Variants in RNF145 observed in about 807,000 individuals in gnomAD.
RNF145 encodes the protein ring finger protein 145.
Under a neutral mutation model 57.3 loss-of-function variants are expected in RNF145, and 12 were observed. The observed-to-expected ratio is 0.21, with a 90% CI of 0.13 to 0.34. The LOEUF is 0.34. RNF145 is among the 10% of genes least tolerant of loss of function. The probability of loss-of-function intolerance (pLI) is 1.00; values close to 1 mark genes in which losing one functional copy is unlikely to be tolerated. For missense variants in RNF145, 429 were observed against 799.0 expected (o/e 0.54, Z 5.58); for synonymous variants, 262 against 288.3 (o/e 0.91, Z 0.92).
At chr5:159,193,081 G>A (rs1029937815) in intron 3 of RNF145, among the ~76,000 whole-genome samples, 1 of 152,158 alleles carries the variant, frequency 6.6e-6, no homozygotes, top group African/African-American at 2.4e-5. Flanking sequence ...TTGGTGCTTG[G>A]ACTCCTAGTT....
intron 1 of RNF145, chr5:159,207,837 C>G: frequency 6.2e-7 from 1 of 1,614,162 alleles, no homozygotes; most frequent in Non-Finnish European, 8.5e-7. Context: ...ACTCTGAATA[C>G]AAAGGCCATC....
chr5:159,166,251 C>T (rs1027208700), intron 8 of RNF145, among the ~76,000 whole-genome samples: 7 of 152,128 alleles, frequency 4.6e-5, no homozygotes, highest in African/African-American at 1.4e-4. Context: ...TTTTTTGTCC[C>T]TTTCTCTTAC....
chr5:159,172,999 CAA>C (rs1554143442), intron 6 of RNF145, among the ~76,000 whole-genome samples: 1 of 151,962 alleles, frequency 6.6e-6, no homozygotes, highest in Non-Finnish European at 1.5e-5. Context: ...GATTCAAACT[CAA>C]GAGTGGAAAA....
At chr5:159,194,938 G>GT (rs1303978258) in intron 2 of RNF145, 114 bp from the exon 3 acceptor site, 14 of 696,856 alleles carry the variant, frequency 2.0e-5, no homozygotes, top group African/African-American at 3.6e-5. Context: ...ACTTTCTGAG[G>GT]TTTTTTATTA....
intron 1 of RNF145, among the ~76,000 whole-genome samples, chr5:159,205,433 C>A (rs530858622): frequency 1.5e-3 from 230 of 152,140 alleles, no homozygotes; most frequent in African/African-American, 5.1e-3. Flanking sequence ...ATTATTTTTT[C>A]TAATCCCAGG....
At chr5:159,208,001 G>C in intron 1 of RNF145, 3 of 1,546,850 alleles carry the variant, frequency 1.9e-6, no homozygotes, top group Non-Finnish European at 2.6e-6. Context: ...AAAATAAAAA[G>C]ACACACAGTC....
intron 5 of RNF145, among the ~76,000 whole-genome samples, chr5:159,176,410 G>C (rs1784722592): frequency 6.6e-6 from 1 of 152,054 alleles, no homozygotes; most frequent in African/African-American, 2.4e-5. Flanking sequence ...TTCGATCTCA[G>C]ATAAATCTGC....
rs1329759591 is a variant in RNF145 at position 159,169,719 on chromosome 5, G to C, written c.898C>G (p.Gln300Glu). 1 of 1,612,170 alleles carries C rather than the reference G, an allele frequency of 6.2e-7. No homozygotes were observed. The highest frequency in any genetic ancestry group is 2.2e-5 in the East Asian group (1 of 44,730). ...TCATTCATGAAAGCTCGATAACCCT[G>C]CAAGTAAAACTTGCAGAGTGTGAGA... ...GVLTLCKFYL[Q>E]GYRAFMNDPA... Residue 300 changes from glutamine to glutamate, a missense_variant, in exon 7 of 11, where the codon CAG becomes GAG. Coordinates refer to ENST00000424310, the MANE Select transcript of RNF145 (RefSeq NM_001199383.2).
chr5:159,177,847 A>G (rs147481863), intron 4 of RNF145, among the ~76,000 whole-genome samples: 1 of 152,110 alleles, frequency 6.6e-6, no homozygotes, highest in East Asian at 1.9e-4. Context: ...TTAAATTGGC[A>G]TTTTGTTGGT....
At chr5:159,178,115 C>G (rs1290948060) in intron 4 of RNF145, among the ~76,000 whole-genome samples, 1 of 151,760 alleles carries the variant, frequency 6.6e-6, no homozygotes, top group African/African-American at 2.4e-5. Flanking sequence ...ACCTTTAGTG[C>G]CATGGCTTAT....
chr5:159,207,922 G>A (rs1785956791), intron 1 of RNF145: 2 of 1,610,514 alleles, frequency 1.2e-6, no homozygotes. Flanking sequence ...GGTCACGACT[G>A]CAGCACCGAC....
At chr5:159,168,696 T>C (rs534093523) in intron 8 of RNF145, among the ~76,000 whole-genome samples, 177 bp downstream of exon 8, 5 of 152,302 alleles carry the variant, frequency 3.3e-5, no homozygotes, top group Non-Finnish European at 7.4e-5. Context: ...AAAAGTCAAG[T>C]AAGTCAGACA....
At chr5:159,189,150 T>C (rs1370251636) in intron 3 of RNF145, among the ~76,000 whole-genome samples, 2 of 152,196 alleles carry the variant, frequency 1.3e-5, no homozygotes, top group Non-Finnish European at 1.5e-5. Context: ...AAGGGACTTG[T>C]ATATATTTGC....
chr5:159,205,615 A>G (rs1785851437), intron 1 of RNF145, among the ~76,000 whole-genome samples: 1 of 152,190 alleles, frequency 6.6e-6, no homozygotes, highest in African/African-American at 2.4e-5. Context: ...TATTGAATAG[A>G]TCTTCTCACA....
intron 6 of RNF145, among the ~76,000 whole-genome samples, chr5:159,170,999 A>T (rs1784532612): frequency 6.6e-6 from 1 of 152,158 alleles, no homozygotes; most frequent in East Asian, 1.9e-4. Context: ...ATGCAGCTCC[A>T]TGCTTCTATA....
chr5:159,174,226 C>A, intron 5 of RNF145, 68 bp from the exon 6 acceptor site: 1 of 1,054,620 alleles, frequency 9.5e-7, no homozygotes, highest in South Asian at 1.9e-5. Context: ...ACACTTGAGT[C>A]AAATCAGAAG....
chr5:159,210,008 T>A (rs1047437482), upstream of RNF145: 1 of 978,292 alleles, frequency 1.0e-6, no homozygotes, highest in East Asian at 2.6e-5. Context: ...CAGCACCAAG[T>A]GCAGGCACTC....
intron 2 of RNF145, among the ~76,000 whole-genome samples, chr5:159,200,218 T>C (rs1785615164): frequency 6.6e-6 from 1 of 152,086 alleles, no homozygotes. Context: ...CTAGACAATT[T>C]TGAGACAATT....
Position 159,158,708 on chromosome 5 carries a change from T to C in RNF145, c.1954A>G (p.Ser652Gly), listed in dbSNP as rs759202888. The change falls in exon 11 of 11, where the codon AGT becomes GGT. Residue 652 changes from serine to glycine, a missense_variant. Ser to Gly is a moderately conservative substitution (Grantham distance 56). This residue lies in a region of RNF145 where 102 missense variants were observed against 106.2 expected (regional missense o/e 0.96). Coordinates refer to ENST00000424310, the MANE Select transcript of RNF145 (RefSeq NM_001199383.2). ...GAFDPKEYPH[S>G]AKDEAHPVES... Reference sequence around the variant, plus strand: ...ACAGGATGTGCTTCATCTTTCGCACTGTGAGGATATTCTTTGGGGTCAAAA... The same window carrying C: ...ACAGGATGTGCTTCATCTTTCGCACCGTGAGGATATTCTTTGGGGTCAAAA... The C allele has an allele frequency of 6.2e-7, 1 of 1,613,974 alleles. No homozygotes were observed. Among genetic ancestry groups the C allele is most frequent in the African/African-American group, 1.3e-5 (1 of 75,060 alleles).
Sources: gnomAD v4.1 joint callset for allele counts (sites outside exome capture counted in the v4.1 genomes callset) on GRCh38, gnomAD v4.1.1 for gene constraint, gnomAD v4.1.1 regional missense constraint, MANE v1.5 for transcripts, NCBI Gene and HGNC (gene_info 2026-07-23, HGNC 2026-07-21) for gene names.